The following DNAJC1 variants were observed in gnomAD, a reference collection of about 807,000 sequenced individuals.
DNAJC1 encodes the protein dnaJ homolog subfamily C member 1.
In DNAJC1, 58 loss-of-function variants were observed where a neutral mutation model predicts 76.6. The ratio of observed to expected loss-of-function variants is 0.76; its 90% CI spans 0.61 to 0.94. The LOEUF (loss-of-function observed/expected upper bound fraction) is 0.94, where lower values mean the gene tolerates loss of function less well. DNAJC1 is among the 40% of genes least tolerant of loss of function. The probability of loss-of-function intolerance (pLI) is 0.00; values close to 1 mark genes in which losing one functional copy is unlikely to be tolerated. For synonymous variants in DNAJC1, 258 were observed against 267.9 expected (o/e 0.96, Z 0.36); for missense variants, 689 against 677.3 (o/e 1.02, Z -0.19).
chr10:21,805,983 T>C lies in DNAJC1; in HGVS notation c.1095A>G (p.Thr365=). Residue 365 remains threonine (T), a synonymous_variant, in exon 9 of 12, where the codon ACA becomes ACG. Transcript: ENST00000376980. ...KIAHELGRSV[T]DVTTKAKQLK... ...ATGCAAATCTCAGTGAACTCACATC[T>C]GTCACAGATCGACCCAATTCGTGGG... 6.2e-7 allele frequency: 1 copy of C among 1,611,506 alleles called. No homozygotes were observed.
At chr10:21,780,052 G>C (rs962201845) in intron 9 of DNAJC1, among the ~76,000 whole-genome samples, 1 of 152,124 alleles carries the variant, frequency 6.6e-6, no homozygotes. Context: ...AGAAAAAAGA[G>C]TAAAAAGAAA....
At chr10:21,919,721 C>A in intron 5 of DNAJC1, 111 bp downstream of exon 5, 1 of 683,566 alleles carries the variant, frequency 1.5e-6, no homozygotes, top group Non-Finnish European at 2.4e-6. Flanking sequence ...ATAAGACTAC[C>A]ACAGATATAA....
chr10:21,855,664 T>C (rs1835822984), intron 8 of DNAJC1, among the ~76,000 whole-genome samples: 2 of 152,158 alleles, frequency 1.3e-5, no homozygotes, highest in South Asian at 4.1e-4. Context: ...TAATTACATT[T>C]AGAAGCTTAA....
intron 9 of DNAJC1, chr10:21,803,766 T>G (rs1834846166): frequency 1.1e-6 from 1 of 890,098 alleles, no homozygotes; most frequent in Non-Finnish European, 1.3e-6. Flanking sequence ...AGAAGAAAAG[T>G]TATAATGGCA....
At chr10:21,910,970 G>C (rs1219519198) in intron 6 of DNAJC1, among the ~76,000 whole-genome samples, 2 of 147,868 alleles carry the variant, frequency 1.4e-5, no homozygotes, top group East Asian at 4.0e-4. Context: ...GAAAGAAAGA[G>C]GGGGGGAAGA....
intron 8 of DNAJC1, among the ~76,000 whole-genome samples, chr10:21,831,649 G>A (rs1435466506): frequency 6.6e-6 from 1 of 152,080 alleles, no homozygotes; most frequent in East Asian, 1.9e-4. Flanking sequence ...TATTAGCCAG[G>A]CATGGTGGCA....
intron 8 of DNAJC1, among the ~76,000 whole-genome samples, chr10:21,841,804 T>G (rs1241240483): frequency 6.6e-6 from 1 of 151,936 alleles, no homozygotes; most frequent in Non-Finnish European, 1.5e-5. Flanking sequence ...ACACGTATGT[T>G]TATAGCGGCA....
chr10:21,776,237 T>C (rs912427142), intron 9 of DNAJC1, among the ~76,000 whole-genome samples: 1 of 152,208 alleles, frequency 6.6e-6, no homozygotes, highest in Non-Finnish European at 1.5e-5. Context: ...AACAGTTACA[T>C]GGTTACATAT....
chr10:21,966,521 T>C lies in DNAJC1; in HGVS notation c.222+36692A>G, dbSNP rs535994161. Among the ~76,000 whole-genome samples, 209 of 152,144 alleles carry C rather than the reference T, an allele frequency of 1.4e-3. 2 individuals carry two copies. Among genetic ancestry groups the C allele is most frequent in the African/African-American group, 4.7e-3 (195 of 41,504 alleles). ...AAGCTGTGCCTTCTCCCCTACTTGT[T>C]TGGTTATTTATTTATGTAGGTATAA... On this transcript the variant is annotated intron_variant, in intron 1 of 11. Transcript: ENST00000376980.
chr10:21,796,008 TG>T (rs1194374274), intron 9 of DNAJC1, among the ~76,000 whole-genome samples: 1 of 151,204 alleles, frequency 6.6e-6, no homozygotes, highest in Non-Finnish European at 1.5e-5. Flanking sequence ...CTCACTCTGT[TG>T]CCCAGGCTGG....
At chr10:21,802,643 C>G (rs1834825975) in intron 9 of DNAJC1, among the ~76,000 whole-genome samples, 1 of 152,078 alleles carries the variant, frequency 6.6e-6, no homozygotes, top group Admixed American at 6.6e-5. Context: ...CTACCTGGGC[C>G]TTTTCCAAAG....
intron 1 of DNAJC1, among the ~76,000 whole-genome samples, chr10:21,944,096 T>C (rs897132016): frequency 3.3e-5 from 5 of 151,888 alleles, no homozygotes; most frequent in African/African-American, 1.2e-4. Context: ...CTTTCAACAC[T>C]ATGCAAAACA....
chr10:21,805,958 A>C, intron 9 of DNAJC1, 22 bp downstream of exon 9: 1 of 1,611,088 alleles, frequency 6.2e-7, no homozygotes, highest in Non-Finnish European at 8.5e-7. Context: ...TCTCTATACA[A>C]TGCAAATCTC....
chr10:21,859,002 A>T (rs1300755311), intron 8 of DNAJC1, among the ~76,000 whole-genome samples: 1 of 152,210 alleles, frequency 6.6e-6, no homozygotes, highest in Non-Finnish European at 1.5e-5. Flanking sequence ...TCACCAACTT[A>T]ACTCATAAAA....
Position 21,928,988 on chromosome 10 carries a change from C to T in DNAJC1, c.324+52G>A. The T allele has an allele frequency of 3.6e-6, 4 of 1,110,044 alleles. No homozygotes were observed. In the South Asian group the frequency reaches 6.2e-5, roughly 17 times the overall value. 68.8% of individuals were successfully genotyped at this position (1,110,044 alleles called of 1,614,324 possible). A position where few individuals can be genotyped will look rare whatever the true frequency, so the allele number is the denominator to read the frequency against. ...TATAAGTGAATATTTCTACCATCGACATGTTAATACATTTGTCACAAAATA... is the reference window on the plus strand; with the variant it reads ...TATAAGTGAATATTTCTACCATCGATATGTTAATACATTTGTCACAAAATA... On this transcript the variant is annotated intron_variant, in intron 2 of 11. Transcript: ENST00000376980.
intron 6 of DNAJC1, among the ~76,000 whole-genome samples, chr10:21,908,064 TA>T (rs1836779155): frequency 8.6e-6 from 1 of 116,280 alleles, no homozygotes; most frequent in South Asian, 2.3e-4. Flanking sequence ...ATATATAATA[TA>T]ATATACATAA....
At chr10:21,824,878 A>T (rs2131662670) in intron 8 of DNAJC1, among the ~76,000 whole-genome samples, 1 of 152,102 alleles carries the variant, frequency 6.6e-6, no homozygotes, top group East Asian at 1.9e-4. Flanking sequence ...GATTCAAGTG[A>T]TTCTCCTGCC....
chr10:21,830,772 T>C (rs1460825988), intron 8 of DNAJC1, among the ~76,000 whole-genome samples: 10 of 152,348 alleles, frequency 6.6e-5, no homozygotes, highest in African/African-American at 2.4e-4. Context: ...TTCTACATTC[T>C]GGATGATTTG....
At chr10:21,795,275 A>G (rs143877379) in intron 9 of DNAJC1, among the ~76,000 whole-genome samples, 133 of 152,322 alleles carry the variant, frequency 8.7e-4, no homozygotes, top group African/African-American at 3.1e-3. Flanking sequence ...AATAAATAAA[A>G]TGCAGTATTT....
Sources: gnomAD v4.1 joint callset for allele counts (sites outside exome capture counted in the v4.1 genomes callset) on GRCh38, gnomAD v4.1.1 for gene constraint, MANE v1.5 for transcripts, NCBI Gene and HGNC (gene_info 2026-07-23, HGNC 2026-07-21) for gene names.